CCSER1: variants seen among roughly 807,000 people sequenced by gnomAD.
CCSER1 encodes the protein coiled-coil serine rich protein 1, also known as serine-rich coiled-coil domain-containing protein 1.
A neutral mutation model predicts 82.0 loss-of-function variants in CCSER1; 41 were observed. That is an observed-to-expected ratio of 0.50 (90% CI 0.39 to 0.65). CCSER1 has a LOEUF of 0.65. Among genes scored for constraint, CCSER1 ranks in the 30% least tolerant of loss-of-function variants. The pLI, the probability that CCSER1 is intolerant of heterozygous loss-of-function variation, is 0.00. For missense variants in CCSER1, 1,119 were observed against 1,064.2 expected (o/e 1.05, Z -0.72); for synonymous variants, 414 against 383.9 (o/e 1.08, Z -0.92).
At chr4:91,244,027 A>G (rs1381316541) in intron 10 of CCSER1, among the ~76,000 whole-genome samples, 2 of 152,160 alleles carry the variant, frequency 1.3e-5, no homozygotes, top group East Asian at 3.9e-4. Context: ...GCTACAGGAG[A>G]GTCCACTGCC....
At chr4:90,647,589 T>G (rs1436219187) in intron 6 of CCSER1, among the ~76,000 whole-genome samples, 1 of 152,110 alleles carries the variant, frequency 6.6e-6, no homozygotes, top group Non-Finnish European at 1.5e-5. Context: ...AGGATGAATA[T>G]TCAGTGATTT....
At chr4:91,167,240 G>C (rs1732187302) in intron 10 of CCSER1, among the ~76,000 whole-genome samples, 1 of 140,424 alleles carries the variant, frequency 7.1e-6, no homozygotes, top group Non-Finnish European at 1.5e-5. Flanking sequence ...AGACTAGAGT[G>C]CATTGGCGCG....
intron 10 of CCSER1, chr4:91,325,143 G>C: frequency 4.4e-6 from 2 of 456,062 alleles, no homozygotes; most frequent in Non-Finnish European, 8.8e-6. Context: ...GTGTCAAATG[G>C]GTTAGCAGTG....
intron 1 of CCSER1, among the ~76,000 whole-genome samples, chr4:90,222,708 A>T: frequency 6.6e-6 from 1 of 152,106 alleles, no homozygotes; most frequent in Non-Finnish European, 1.5e-5. Flanking sequence ...TCATATTCAC[A>T]TTTGCATGAA....
At chr4:91,075,120 G>A (rs1450649620) in intron 9 of CCSER1, among the ~76,000 whole-genome samples, 1 of 151,752 alleles carries the variant, frequency 6.6e-6, no homozygotes, top group Admixed American at 6.6e-5. Context: ...TGCCAGCGCA[G>A]TTACCAGGGG....
intron 5 of CCSER1, among the ~76,000 whole-genome samples, chr4:90,487,026 C>T (rs1767210057): frequency 6.6e-6 from 1 of 152,198 alleles, no homozygotes; most frequent in Non-Finnish European, 1.5e-5. Flanking sequence ...ATTCTCCTGC[C>T]TCAGCCTTCT....
chr4:90,878,116 T>G (rs936670537), intron 8 of CCSER1, among the ~76,000 whole-genome samples: 1 of 152,126 alleles, frequency 6.6e-6, no homozygotes, highest in Non-Finnish European at 1.5e-5. Context: ...TGAAACTAAG[T>G]CTCACTTTTA....
chr4:90,980,740 C>T (rs554357476), intron 9 of CCSER1, among the ~76,000 whole-genome samples: 66 of 151,626 alleles, frequency 4.4e-4, no homozygotes, highest in African/African-American at 1.5e-3. Context: ...CATGGAAAGA[C>T]GTACTCGAAG....
Position 90,413,355 on chromosome 4 carries a change from G to A in CCSER1, c.1603+13226G>A, listed in dbSNP as rs558102345. ...CTCGTGGATGGGTAGAACCATTATCGTGAAAAAAACCATACTGCTATAAGC... is the reference window on the plus strand; with the variant it reads ...CTCGTGGATGGGTAGAACCATTATCATGAAAAAAACCATACTGCTATAAGC... On this transcript the variant is annotated intron_variant, in intron 4 of 10. Transcript: ENST00000509176. Among the ~76,000 whole-genome samples, 253 of 152,110 alleles carry A rather than the reference G, an allele frequency of 1.7e-3. 1 individual carries two copies. The highest frequency in any genetic ancestry group is 0.01 in the Middle Eastern group (3 of 294).
chr4:91,437,606 T>C (rs1018870399), intron 10 of CCSER1, among the ~76,000 whole-genome samples: 1 of 152,138 alleles, frequency 6.6e-6, no homozygotes, highest in African/African-American at 2.4e-5. Context: ...TTCATCTCAC[T>C]AGGGAGTGCC....
chr4:90,162,369 G>A lies in CCSER1; in HGVS notation c.-42+34538G>A, dbSNP rs115482180. ...ATTATGATAGCAGAACTCATATAAT[G>A]TACTCAGATGCCTTCCTCCTGTATC... On this transcript the variant is annotated intron_variant, in intron 1 of 10. Coordinates refer to ENST00000509176, the MANE Select transcript of CCSER1 (RefSeq NM_001145065.2). Among the ~76,000 whole-genome samples, 417 of 152,076 alleles carry A rather than the reference G, an allele frequency of 2.7e-3. 2 individuals carry two copies. The highest frequency in any genetic ancestry group is 0.014 in the Middle Eastern group (4 of 294).
intron 5 of CCSER1, among the ~76,000 whole-genome samples, chr4:90,612,524 T>G (rs2148828803): frequency 6.6e-6 from 1 of 152,330 alleles, no homozygotes; most frequent in East Asian, 1.9e-4. Flanking sequence ...GCAACTCCAT[T>G]TTTAAAGCAG....
At chr4:90,994,997 G>A (rs1737364805) in intron 9 of CCSER1, among the ~76,000 whole-genome samples, 1 of 152,182 alleles carries the variant, frequency 6.6e-6, no homozygotes, top group African/African-American at 2.4e-5. Context: ...ACAGAGCAGA[G>A]CAGAGCATCT....
chr4:90,921,811 A>G (rs1728422473), intron 8 of CCSER1, among the ~76,000 whole-genome samples: 1 of 152,056 alleles, frequency 6.6e-6, no homozygotes, highest in Non-Finnish European at 1.5e-5. Context: ...CTTTTCATGT[A>G]CTTATGATTC....
At chr4:90,892,946 G>C (rs1723163691) in intron 8 of CCSER1, among the ~76,000 whole-genome samples, 1 of 151,982 alleles carries the variant, frequency 6.6e-6, no homozygotes, top group South Asian at 2.1e-4. Flanking sequence ...TTAGATTGCT[G>C]TATTAATACT....
chr4:91,101,396 C>T (rs1038691237), intron 10 of CCSER1, among the ~76,000 whole-genome samples: 1 of 152,174 alleles, frequency 6.6e-6, no homozygotes, highest in Admixed American at 6.5e-5. Flanking sequence ...GATAAGAGCA[C>T]ATGAAAATTT....
At chr4:90,584,602 T>C (rs998471720) in intron 5 of CCSER1, among the ~76,000 whole-genome samples, 3 of 152,222 alleles carry the variant, frequency 2.0e-5, no homozygotes, top group Non-Finnish European at 4.4e-5. Context: ...TTTAAAGCAC[T>C]AACTTGTGAT....
At chr4:90,189,019 G>C (rs796431511) in intron 1 of CCSER1, among the ~76,000 whole-genome samples, 6 of 152,016 alleles carry the variant, frequency 3.9e-5, no homozygotes, top group African/African-American at 1.2e-4. Flanking sequence ...TTTTTGCCTA[G>C]GGCTAGCCCA....
At chr4:91,224,522 T>C (rs952565745) in intron 10 of CCSER1, among the ~76,000 whole-genome samples, 2 of 152,138 alleles carry the variant, frequency 1.3e-5, no homozygotes, top group African/African-American at 4.8e-5. Context: ...GCACTTGAAA[T>C]ATGACTACGT....
Sources: allele counts gnomAD v4.1 joint callset (sites outside exome capture counted in the v4.1 genomes callset), GRCh38; gene constraint gnomAD v4.1.1; transcripts MANE v1.5; gene names NCBI Gene and HGNC (gene_info 2026-07-23, HGNC 2026-07-21).